The following TNFAIP8 variants were observed in gnomAD, a reference collection of about 807,000 sequenced individuals.
TNFAIP8 encodes the protein TNF alpha induced protein 8.
TNFAIP8 carries 7 observed loss-of-function variants against 13.3 expected under a neutral mutation model. That is an observed-to-expected ratio of 0.52 (90% CI 0.30 to 0.99). The LOEUF is 0.99. Among genes scored for constraint, TNFAIP8 ranks in the 50% least tolerant of loss-of-function variants. The probability of loss-of-function intolerance (pLI) is 0.07; values close to 1 mark genes in which losing one functional copy is unlikely to be tolerated. For synonymous variants in TNFAIP8, 94 were observed against 87.6 expected (o/e 1.07, Z -0.41); for missense variants, 258 against 236.9 (o/e 1.09, Z -0.58).
At chr5:119,304,133 T>G (rs1225218738) in intron 1 of TNFAIP8, among the ~76,000 whole-genome samples, 1 of 152,184 alleles carries the variant, frequency 6.6e-6, no homozygotes, top group Non-Finnish European at 1.5e-5. Context: ...TTTTATTTTT[T>G]GTAGAGATAC....
chr5:119,359,989 C>T (rs1751573019), intron 1 of TNFAIP8, among the ~76,000 whole-genome samples: 2 of 152,224 alleles, frequency 1.3e-5, no homozygotes, highest in Admixed American at 6.5e-5. Flanking sequence ...ATCTATCATA[C>T]TCTCTCCTCT....
chr5:119,355,627 C>T, upstream of TNFAIP8: 2 of 481,434 alleles, frequency 4.2e-6, no homozygotes, highest in South Asian at 3.7e-5. Context: ...TTGGTTCTAC[C>T]CTATATGCAT....
intron 1 of TNFAIP8, chr5:119,269,045 G>A (rs1278601973): frequency 1.4e-5 from 8 of 586,564 alleles, no homozygotes; most frequent in Non-Finnish European, 2.1e-5. Flanking sequence ...GAGTGGGTGC[G>A]TTTGAACAAC....
chr5:119,274,721 T>C (rs574141247), intron 1 of TNFAIP8, among the ~76,000 whole-genome samples: 22 of 152,358 alleles, frequency 1.4e-4, no homozygotes, highest in African/African-American at 5.3e-4. Context: ...CTGTGGTGCT[T>C]ATCACCTCCC....
At chr5:119,352,207 G>T (rs1029373889), upstream of TNFAIP8, among the ~76,000 whole-genome samples, 6 of 152,170 alleles carry the variant, frequency 3.9e-5, no homozygotes, top group African/African-American at 1.2e-4. Flanking sequence ...TGTGTCTGAG[G>T]ATAATAGGAA....
chr5:119,294,097 C>T (rs920862257), intron 1 of TNFAIP8, among the ~76,000 whole-genome samples: 1 of 151,680 alleles, frequency 6.6e-6, no homozygotes, highest in Non-Finnish European at 1.5e-5. Context: ...GCACAGTGTG[C>T]AGGTTAGTTA....
intron 1 of TNFAIP8, among the ~76,000 whole-genome samples, chr5:119,388,772 G>A (rs570495895): frequency 1.3e-5 from 2 of 151,584 alleles, no homozygotes; most frequent in African/African-American, 4.8e-5. Flanking sequence ...TCAGCCCCCT[G>A]AGCAAATAGG....
chr5:119,297,526 C>G (rs906768767), intron 1 of TNFAIP8, among the ~76,000 whole-genome samples: 17 of 152,118 alleles, frequency 1.1e-4, no homozygotes, highest in Middle Eastern at 3.4e-3. Flanking sequence ...TTACTTCCAA[C>G]TATGTGGTCA....
chr5:119,351,459 T>G (rs1751140613), upstream of TNFAIP8, among the ~76,000 whole-genome samples: 3 of 152,320 alleles, frequency 2.0e-5, no homozygotes. Flanking sequence ...CAACATTTTA[T>G]TATAAAATAG....
chr5:119,372,069 G>A (rs1193054914), intron 1 of TNFAIP8, among the ~76,000 whole-genome samples: 11 of 151,798 alleles, frequency 7.2e-5, no homozygotes, highest in Admixed American at 2.0e-4. Flanking sequence ...CCCGGGAGGC[G>A]GAGCTTGCAG....
intron 1 of TNFAIP8, among the ~76,000 whole-genome samples, chr5:119,325,024 A>G (rs1490362133): frequency 6.6e-6 from 1 of 152,104 alleles, no homozygotes; most frequent in Non-Finnish European, 1.5e-5. Flanking sequence ...GCTTGAGGCC[A>G]ATGGTTCAAG....
intron 1 of TNFAIP8, among the ~76,000 whole-genome samples, chr5:119,314,448 G>T (rs1450805720): frequency 6.6e-6 from 1 of 152,186 alleles, no homozygotes; most frequent in Admixed American, 6.5e-5. Context: ...AAAACAGACA[G>T]ATTCAAAGAC....
At chr5:119,294,109 A>C (rs1199473897) in intron 1 of TNFAIP8, among the ~76,000 whole-genome samples, 1 of 151,938 alleles carries the variant, frequency 6.6e-6, no homozygotes, top group Admixed American at 6.6e-5. Flanking sequence ...GGTTAGTTAC[A>C]TATGTATACA....
chr5:119,355,086 C>G (rs3813308), upstream of TNFAIP8: 215,361 of 521,128 alleles, frequency 0.41, 46,447 homozygotes, highest in East Asian at 0.55. Context: ...GCTAAGGGGA[C>G]TTCCTCTCAG....
At chr5:119,366,296 T>C (rs1751855575) in intron 1 of TNFAIP8, among the ~76,000 whole-genome samples, 1 of 152,160 alleles carries the variant, frequency 6.6e-6, no homozygotes, top group South Asian at 2.1e-4. Context: ...GGGGTGCTGG[T>C]GTCCAAAGCA....
Position 119,274,674 on chromosome 5 carries a change from G to A in TNFAIP8, c.1+5767G>A, listed in dbSNP as rs1031119665. On this transcript the variant is annotated intron_variant, in intron 1 of 1. Transcript: ENST00000274456. ...GTAAGAGACCCTGTGTAAATAGGGA[G>A]CCTCCTGAGGAAGCAAGGATTCCCT... 1.7e-4 allele frequency among the ~76,000 whole-genome samples: 26 copies of A among 152,234 alleles called. 1 individual carries two copies. Among genetic ancestry groups the A allele is most frequent in the Admixed American group, 1.7e-3 (26 of 15,290 alleles).
intron 1 of TNFAIP8, among the ~76,000 whole-genome samples, chr5:119,360,706 A>T (rs915100948): frequency 6.6e-6 from 1 of 152,208 alleles, no homozygotes; most frequent in Non-Finnish European, 1.5e-5. Flanking sequence ...AGGTTTTAGC[A>T]TCCTGGGTAT....
chr5:119,301,245 C>G (rs75149151), intron 1 of TNFAIP8, among the ~76,000 whole-genome samples: 260 of 152,264 alleles, frequency 1.7e-3, no homozygotes, highest in African/African-American at 6.1e-3. Context: ...TGCTGTTTTT[C>G]TATCCTCCCT....
chr5:119,270,598 T>G (rs1213627793), intron 1 of TNFAIP8, among the ~76,000 whole-genome samples: 1 of 152,244 alleles, frequency 6.6e-6, no homozygotes, highest in Admixed American at 6.5e-5. Context: ...TTTTGCAGAT[T>G]TTTTGGATGC....
Sources: gnomAD v4.1 joint callset for allele counts (sites outside exome capture counted in the v4.1 genomes callset) on GRCh38, gnomAD v4.1.1 for gene constraint, MANE v1.5 for transcripts, NCBI Gene and HGNC (gene_info 2026-07-23, HGNC 2026-07-21) for gene names.